Variants in RANBP2 observed in about 807,000 individuals in gnomAD.
RANBP2 encodes E3 SUMO-protein ligase RanBP2.
Under a neutral mutation model 303.6 loss-of-function variants are expected in RANBP2, and 57 were observed. That is an observed-to-expected ratio of 0.19 (90% confidence interval 0.15 to 0.23). The LOEUF is 0.23. RANBP2 is among the 10% of genes least tolerant of loss of function. RANBP2 has a pLI of 1.00. For missense variants in RANBP2, 3,138 were observed against 3,780.8 expected (o/e 0.83, Z 4.46); for synonymous variants, 1,167 against 1,301.5 (o/e 0.90, Z 2.23).
intron 3 of RANBP2, 40 bp from the exon 4 acceptor site, chr2:108,731,282 C>G: frequency 6.2e-7 from 1 of 1,601,246 alleles, no homozygotes; most frequent in Non-Finnish European, 8.5e-7. Context: ...TACATACATA[C>G]AATTTATTTA....
At chr2:109,644,294 G>A in the RANBP2 span, among the ~76,000 whole-genome samples, 2 of 152,182 alleles carry the variant, frequency 1.3e-5, no homozygotes, top group South Asian at 2.1e-4. Flanking sequence ...GCAACAGAGT[G>A]AGACTCGTCT....
chr2:108,778,138 C>CA (rs1220291328), intron 25 of RANBP2, among the ~76,000 whole-genome samples: 2 of 151,966 alleles, frequency 1.3e-5, no homozygotes, highest in African/African-American at 4.8e-5. Context: ...AAAAAAATCC[C>CA]AAAAAAATAG....
the RANBP2 span, among the ~76,000 whole-genome samples, chr2:108,962,360 T>C: frequency 1.3e-5 from 2 of 152,204 alleles, no homozygotes; most frequent in Non-Finnish European, 2.9e-5. Context: ...AAAGCTCAAA[T>C]AGCCAATAAG....
At chr2:109,207,270 G>A in the RANBP2 span, among the ~76,000 whole-genome samples, 1 of 152,194 alleles carries the variant, frequency 6.6e-6, no homozygotes, top group Non-Finnish European at 1.5e-5. Flanking sequence ...TTGGTGTATG[G>A]TAATCATTAG....
At chr2:109,524,444 C>CAAAAAA in the RANBP2 span, among the ~76,000 whole-genome samples, 33 of 84,388 alleles carry the variant, frequency 3.9e-4, 1 homozygote, top group African/African-American at 1.4e-3. Flanking sequence ...GACCCTGTCT[C>CAAAAAA]AAAAAAAAAA....
the RANBP2 span, among the ~76,000 whole-genome samples, chr2:109,402,534 C>G: frequency 6.6e-6 from 1 of 152,240 alleles, no homozygotes; most frequent in Non-Finnish European, 1.5e-5. Context: ...CAGCCCCAGG[C>G]TCCTCGGTGC....
At chr2:109,189,445 T>C in the RANBP2 span, among the ~76,000 whole-genome samples, 2 of 151,534 alleles carry the variant, frequency 1.3e-5, no homozygotes, top group Non-Finnish European at 2.9e-5. Context: ...CTCGGCTCAC[T>C]GCAACCTCTG....
chr2:109,398,500 G>A, the RANBP2 span: 1 of 1,177,938 alleles, frequency 8.5e-7, no homozygotes, highest in South Asian at 1.5e-5. Flanking sequence ...GCCAGTTTGT[G>A]AATGGAAATG....
the RANBP2 span, chr2:109,585,629 G>T: frequency 1.1e-6 from 1 of 892,454 alleles, no homozygotes; most frequent in Non-Finnish European, 1.8e-6. Context: ...ATTTCAAATT[G>T]ATAACATGAG....
the RANBP2 span, among the ~76,000 whole-genome samples, chr2:109,075,506 A>T: frequency 2.7e-5 from 4 of 149,238 alleles, no homozygotes; most frequent in Admixed American, 6.7e-5. Flanking sequence ...GATTATAGGC[A>T]TGAGCCACCG....
the RANBP2 span, chr2:109,574,507 C>T: frequency 2.4e-6 from 2 of 827,164 alleles, no homozygotes; most frequent in Non-Finnish European, 1.7e-6. Flanking sequence ...AATATATATC[C>T]ATATTGTAAA....
chr2:109,277,372 A>G, the RANBP2 span, among the ~76,000 whole-genome samples: 2 of 152,154 alleles, frequency 1.3e-5, no homozygotes, highest in Non-Finnish European at 2.9e-5. Flanking sequence ...ACTGCTCTTT[A>G]TGTGACCCCG....
chr2:109,010,578 T>G, the RANBP2 span, among the ~76,000 whole-genome samples: 1 of 152,224 alleles, frequency 6.6e-6, no homozygotes, highest in East Asian at 1.9e-4. Context: ...GTCTTCTTGC[T>G]GTGTCTTCAC....
the RANBP2 span, among the ~76,000 whole-genome samples, chr2:108,925,257 T>C: frequency 7.7e-4 from 118 of 152,352 alleles, no homozygotes; most frequent in South Asian, 9.1e-3. Flanking sequence ...GCTGAATGAA[T>C]GAATGACACC....
chr2:109,173,789 C>T, the RANBP2 span, among the ~76,000 whole-genome samples: 6 of 152,296 alleles, frequency 3.9e-5, no homozygotes, highest in East Asian at 9.6e-4. Context: ...AGCTCAGTGT[C>T]GGCCCCTGAC....
the RANBP2 span, among the ~76,000 whole-genome samples, chr2:109,630,858 G>A: frequency 6.6e-6 from 1 of 152,164 alleles, no homozygotes; most frequent in African/African-American, 2.4e-5. Context: ...CTAAGGTCAG[G>A]AGTTCGAGAC....
the RANBP2 span, among the ~76,000 whole-genome samples, chr2:109,096,040 T>A: frequency 5.3e-5 from 8 of 152,196 alleles, no homozygotes; most frequent in African/African-American, 1.4e-4. Flanking sequence ...TTTCTTTTTT[T>A]AAAATTTTTG....
chr2:109,057,764 G>GC, the RANBP2 span, among the ~76,000 whole-genome samples: 1 of 152,138 alleles, frequency 6.6e-6, no homozygotes, highest in Non-Finnish European at 1.5e-5. Flanking sequence ...CTCTTCCTTC[G>GC]CCCCGCCCCG....
At chr2:109,249,734 G>A in the RANBP2 span, among the ~76,000 whole-genome samples, 6 of 151,502 alleles carry the variant, frequency 4.0e-5, no homozygotes, top group East Asian at 1.9e-4. Context: ...TGCAAGCTCC[G>A]CAAGCTCCGC....
Sources: allele counts gnomAD v4.1 joint callset (sites outside exome capture counted in the v4.1 genomes callset), GRCh38; gene constraint gnomAD v4.1.1; transcripts MANE v1.5; gene names NCBI Gene and HGNC (gene_info 2026-07-23, HGNC 2026-07-21).